Variants in ALK observed in about 807,000 individuals in gnomAD.
ALK encodes the protein ALK receptor tyrosine kinase, also known as ALK tyrosine kinase receptor.
ALK carries 74 observed loss-of-function variants against 163.1 expected under a neutral mutation model. The ratio of observed to expected loss-of-function variants is 0.45; its 90% CI spans 0.38 to 0.55. ALK has a LOEUF of 0.55. ALK is among the 20% of genes least tolerant of loss of function. The pLI is 0.00. For synonymous variants in ALK, 960 were observed against 843.2 expected, an observed-to-expected ratio of 1.14 and a Z score of -2.40; for missense variants, 2,063 against 2,105.3, an observed-to-expected ratio of 0.98 and a Z score of 0.39.
chr2:29,565,849 G>A (rs1164011855), intron 3 of ALK, among the ~76,000 whole-genome samples: 1 of 152,120 alleles, frequency 6.6e-6, no homozygotes, highest in African/African-American at 2.4e-5. Context: ...TGATATTGGC[G>A]AGATTAAATT....
chr2:29,730,648 C>T (rs974690232), intron 1 of ALK, among the ~76,000 whole-genome samples: 6 of 152,160 alleles, frequency 3.9e-5, no homozygotes, highest in Non-Finnish European at 8.8e-5. Context: ...TAAGCCAGTG[C>T]TTCCTCACCT....
At chr2:29,380,405 C>T (rs750518062) in intron 5 of ALK, among the ~76,000 whole-genome samples, 5 of 151,678 alleles carry the variant, frequency 3.3e-5, no homozygotes, top group Admixed American at 6.6e-5. Context: ...TGCCTGGCTG[C>T]TGCACACTTT....
intron 3 of ALK, among the ~76,000 whole-genome samples, chr2:29,662,022 G>A (rs1043669118): frequency 6.6e-6 from 1 of 152,048 alleles, no homozygotes; most frequent in African/African-American, 2.4e-5. Flanking sequence ...CAATTCTCCT[G>A]CCTCAGCCTC....
intron 1 of ALK, among the ~76,000 whole-genome samples, chr2:29,864,238 G>A (rs899793836): frequency 6.6e-6 from 1 of 152,134 alleles, no homozygotes; most frequent in Admixed American, 6.5e-5. Context: ...TCACAGGGCA[G>A]TCACAGCAGT....
chr2:29,623,474 T>TG (rs1676097361), intron 3 of ALK, among the ~76,000 whole-genome samples: 1 of 42,950 alleles, frequency 2.3e-5, no homozygotes, highest in Non-Finnish European at 6.8e-5. Context: ...TTATGTGAAA[T>TG]AAAATGATAG....
intron 3 of ALK, among the ~76,000 whole-genome samples, chr2:29,684,436 A>G (rs563398225): frequency 2.0e-5 from 3 of 152,324 alleles, no homozygotes; most frequent in African/African-American, 4.8e-5. Flanking sequence ...CAGGGAAACT[A>G]TAAACAGCTT....
At chr2:29,734,245 C>T (rs1001348954) in intron 1 of ALK, among the ~76,000 whole-genome samples, 6 of 152,236 alleles carry the variant, frequency 3.9e-5, no homozygotes, top group Admixed American at 3.9e-4. Context: ...TGTTCAAGTT[C>T]CAAGAAAAGG....
intron 2 of ALK, among the ~76,000 whole-genome samples, chr2:29,716,872 C>T (rs978180012): frequency 1.3e-5 from 2 of 151,590 alleles, no homozygotes; most frequent in African/African-American, 2.4e-5. Flanking sequence ...TGGCTGGGCA[C>T]GGTGGCTCAC....
intron 1 of ALK, among the ~76,000 whole-genome samples, chr2:29,799,751 T>A (rs965254345): frequency 6.6e-6 from 1 of 151,930 alleles, no homozygotes; most frequent in Admixed American, 6.6e-5. Context: ...CAAACAAAAA[T>A]AACAGAAAAA....
At chr2:29,766,465 G>A (rs3845689) in intron 1 of ALK, among the ~76,000 whole-genome samples, 36,550 of 151,988 alleles carry the variant, frequency 0.24, 7,099 homozygotes, top group African/African-American at 0.53. Flanking sequence ...TGACTCCCCA[G>A]TCTCTGAAAC....
intron 4 of ALK, among the ~76,000 whole-genome samples, chr2:29,393,147 A>T (rs13404353): frequency 0.21 from 32,371 of 152,074 alleles, 3,582 homozygotes; most frequent in South Asian, 0.28. Flanking sequence ...ACACCCACTG[A>T]GAGTCAGTTA....
chr2:29,427,479 T>C (rs1040057519), intron 4 of ALK, among the ~76,000 whole-genome samples: 3 of 152,016 alleles, frequency 2.0e-5, no homozygotes, highest in African/African-American at 7.2e-5. Flanking sequence ...AATATAAATC[T>C]AAAATCAATT....
intron 25 of ALK, among the ~76,000 whole-genome samples, chr2:29,208,754 C>T (rs1669382494): frequency 1.3e-5 from 2 of 152,140 alleles, no homozygotes; most frequent in South Asian, 4.2e-4. Flanking sequence ...CTCTCTCTAC[C>T]CCTGTGAGTT....
chr2:29,321,713 C>A (rs578137240), intron 6 of ALK, among the ~76,000 whole-genome samples: 6 of 152,298 alleles, frequency 3.9e-5, no homozygotes, highest in Non-Finnish European at 8.8e-5. Flanking sequence ...CCACCCACAC[C>A]CTCATTGGAC....
chr2:29,732,114 C>T (rs1679758800), intron 1 of ALK, among the ~76,000 whole-genome samples: 1 of 152,198 alleles, frequency 6.6e-6, no homozygotes, highest in Non-Finnish European at 1.5e-5. Context: ...TGCATTGCTA[C>T]AATAGGGAGA....
At chr2:29,841,204 A>C (rs1318104011) in intron 1 of ALK, among the ~76,000 whole-genome samples, 1 of 152,084 alleles carries the variant, frequency 6.6e-6, no homozygotes, top group Non-Finnish European at 1.5e-5. Context: ...TCATTTAAAA[A>C]AAAGACAAAA....
chr2:29,269,881 A>G (rs996454816), intron 11 of ALK, among the ~76,000 whole-genome samples: 5 of 152,224 alleles, frequency 3.3e-5, no homozygotes, highest in East Asian at 1.9e-4. Flanking sequence ...AGGAATGCCA[A>G]TTAGCTGCAA....
chr2:29,753,901 G>C (rs1680442724), intron 1 of ALK, among the ~76,000 whole-genome samples: 1 of 152,238 alleles, frequency 6.6e-6, no homozygotes, highest in African/African-American at 2.4e-5. Context: ...AGCAGCCCGA[G>C]TCTGGCTGAA....
At chr2:29,341,930 C>T (rs1667805025) in intron 5 of ALK, among the ~76,000 whole-genome samples, 1 of 152,116 alleles carries the variant, frequency 6.6e-6, no homozygotes. Context: ...GTCTGAACTT[C>T]TCAGAACCAC....
Sources: allele counts gnomAD v4.1 joint callset (sites outside exome capture counted in the v4.1 genomes callset), GRCh38; gene constraint gnomAD v4.1.1; transcripts MANE v1.5; gene names NCBI Gene and HGNC (gene_info 2026-07-23, HGNC 2026-07-21).